ESCO2: variants seen among roughly 807,000 people sequenced by gnomAD.
ESCO2 encodes establishment of sister chromatid cohesion N-acetyltransferase 2, also known as N-acetyltransferase ESCO2.
In ESCO2, 51 loss-of-function variants were observed where a neutral mutation model predicts 61.7. That is an observed-to-expected ratio of 0.83 (90% CI 0.66 to 1.04). The LOEUF (loss-of-function observed/expected upper bound fraction) is 1.04, where lower values mean the gene tolerates loss of function less well. ESCO2 is among the 50% of genes least tolerant of loss of function. The pLI, the probability that ESCO2 is intolerant of heterozygous loss-of-function variation, is 0.00. For synonymous variants in ESCO2, 230 were observed against 238.2 expected (o/e 0.97, Z 0.32); for missense variants, 692 against 686.2 (o/e 1.01, Z -0.09).
At chr8:27,816,648 T>G (rs1805821138), downstream of ESCO2, among the ~76,000 whole-genome samples, 1 of 152,016 alleles carries the variant, frequency 6.6e-6, no homozygotes, top group Non-Finnish European at 1.5e-5. Context: ...AGTGCTGGGA[T>G]TACAGGTGTC....
At position 27,799,571 on chromosome 8, in the gene ESCO2, C is replaced by T. The variant is rs1312464109; in HGVS notation, c.1528C>T (p.Pro510Ser). Residue 510 changes from proline to serine, a missense_variant, in exon 10 of 11, where the codon CCA becomes TCA. Transcript: ENST00000305188. ...AFRVLSEPIG[P>S]ESPSSTECPR... ...TCGTGTCCTGTCTGAACCAATTGGT[C>T]CAGAATCCCCAAGCTCTACGGAATG... 1 of 1,613,710 alleles carries T rather than the reference C, an allele frequency of 6.2e-7. No individual in the cohort carries two copies. The highest frequency in any genetic ancestry group is 1.1e-5 in the South Asian group (1 of 91,060).
At position 27,799,602 on chromosome 8, in the gene ESCO2, G is replaced by T; in HGVS notation, c.1559G>T (p.Arg520Met). 6.2e-7 allele frequency: 1 copy of T among 1,613,916 alleles called. No individual in the cohort carries two copies. The highest frequency in any genetic ancestry group is 8.5e-7 in the Non-Finnish European group (1 of 1,179,986). ...PESPSSTECP[R>M]AWQCSDVPEP... ...TCCCCAAGCTCTACGGAATGTCCTA[G>T]GGCTTGGCAATGTTCAGATGTACCA... The change falls in exon 10 of 11, where the codon AGG (arginine) becomes ATG (methionine). Residue 520 changes from arginine to methionine, a missense_variant. Physicochemically the swap from Arg to Met is moderately conservative, Grantham distance 91. Transcript: ENST00000305188.
downstream of ESCO2, among the ~76,000 whole-genome samples, chr8:27,808,684 C>CCAAAAAA (rs757570826): frequency 9.4e-6 from 1 of 106,590 alleles, no homozygotes; most frequent in African/African-American, 3.7e-5. Context: ...GACCCTGTCT[C>CCAAAAAA]AAAAAAAAAA....
chr8:27,772,395 G>A (rs1804659725), upstream of ESCO2: 7 of 977,582 alleles, frequency 7.2e-6, no homozygotes, highest in Non-Finnish European at 1.1e-5. Context: ...GCCGCGGGAA[G>A]AGGCACTCGC....
intron 2 of ESCO2, among the ~76,000 whole-genome samples, chr8:27,775,851 A>G (rs916809126): frequency 1.3e-5 from 2 of 152,230 alleles, no homozygotes; most frequent in African/African-American, 4.8e-5. Context: ...TAGCTAGGAA[A>G]TATACCAAAT....
At chr8:27,808,174 A>C, downstream of ESCO2, 1 of 1,127,058 alleles carries the variant, frequency 8.9e-7, no homozygotes, top group Non-Finnish European at 1.1e-6. Context: ...ATCCTTTCTA[A>C]TTTTTATTCT....
At chr8:27,800,689 G>A (rs1204700956) in intron 10 of ESCO2, among the ~76,000 whole-genome samples, 3 of 152,232 alleles carry the variant, frequency 2.0e-5, no homozygotes, top group African/African-American at 4.8e-5. Context: ...CCAAAAAAGT[G>A]TAAATAATCC....
rs1805511986 is a variant in ESCO2 at position 27,804,043 on chromosome 8, C to G, written c.*605C>G. 1.0e-6 allele frequency: 1 copy of G among 985,924 alleles called. No individual in the cohort carries two copies. Among genetic ancestry groups the G allele is most frequent in the African/African-American group, 1.7e-5 (1 of 57,286 alleles). 61.1% of individuals were successfully genotyped at this position (985,924 alleles called of 1,614,324 possible). A position where few individuals can be genotyped will look rare whatever the true frequency, so the allele number is the denominator to read the frequency against. The stretch of plus-strand genomic sequence containing the variant: ...GTGCCCAGCCTAATTCCTGACTTCT[C>G]TATACAGAGTCTTCACTTGATAGGC... On this transcript the variant is annotated 3_prime_UTR_variant, in exon 11 of 11. Coordinates refer to ENST00000305188, the MANE Select transcript of ESCO2 (RefSeq NM_001017420.3).
At chr8:27,801,730 A>C (rs1037640724) in intron 10 of ESCO2, among the ~76,000 whole-genome samples, 1 of 152,142 alleles carries the variant, frequency 6.6e-6, no homozygotes, top group African/African-American at 2.4e-5. Context: ...TATTAAGTTC[A>C]ACATTTACCT....
intron 5 of ESCO2, among the ~76,000 whole-genome samples, chr8:27,784,499 C>A (rs575909721): frequency 6.6e-6 from 1 of 152,224 alleles, no homozygotes; most frequent in African/African-American, 2.4e-5. Flanking sequence ...GTTATATTGC[C>A]TTCCCTGGGT....
intron 10 of ESCO2, 22 bp from the exon 11 acceptor site, chr8:27,803,284 A>G (rs1395391022): frequency 2.5e-6 from 4 of 1,610,460 alleles, no homozygotes; most frequent in Admixed American, 1.7e-5. Context: ...CCATCATTAA[A>G]TCATCTTTTC....
chr8:27,815,092 TACTGAAAGAAATTTCTCCAGA>T (rs1805784758), downstream of ESCO2, among the ~76,000 whole-genome samples: 1 of 152,216 alleles, frequency 6.6e-6, no homozygotes, highest in South Asian at 2.1e-4. Flanking sequence ...TGGGGCTGTT[TACTGAAAGAAATTTCTCCAGA>T]ACTGAAGGAA....
chr8:27,803,795 T>C lies in ESCO2; in HGVS notation c.*357T>C, dbSNP rs1212256148. 1 of 1,035,124 alleles carries C rather than the reference T, an allele frequency of 9.7e-7. No individual in the cohort carries two copies. The highest frequency in any genetic ancestry group is 1.2e-6 in the Non-Finnish European group (1 of 862,124). The allele number at this position is 1,035,124 out of a possible 1,614,324, so 64.1% of individuals were successfully genotyped here. On this transcript the variant is annotated 3_prime_UTR_variant, in exon 11 of 11. Transcript: ENST00000305188. The stretch of plus-strand genomic sequence containing the variant: ...TCTAGAAATGTGACCTGGTCTTTTA[T>C]AAAGCCCACTCTTAGACCAGGATTA...
chr8:27,810,606 C>G, downstream of ESCO2: 1 of 649,120 alleles, frequency 1.5e-6, no homozygotes, highest in Non-Finnish European at 2.7e-6. Context: ...GTCCAGTATG[C>G]TTTCCATTCT....
In ESCO2 at chr8:27,787,974, G is replaced by T; in HGVS notation, c.1103G>T (p.Ser368Ile). ...IQKNTNTRDT[S>I]KKTKDQLIID... is the part of the protein sequence containing the mutation. ...AAAAATACTAATACCAGAGATACAA[G>T]TAAAAAAACAAAAGACCAGCTCATC... is the stretch of plus-strand genomic sequence containing the variant. The change falls in exon 6 of 11, where the codon AGT becomes ATT. Residue 368 changes from serine (S) to isoleucine (I), a missense_variant. By Grantham distance (142) the Ser-to-Ile change is moderately radical (BLOSUM62 -2). Transcript: ENST00000305188. 6.2e-7 allele frequency: 1 copy of T among 1,613,060 alleles called. No individual in the cohort carries two copies. The highest frequency in any genetic ancestry group is 1.1e-5 in the South Asian group (1 of 91,068).
intron 9 of ESCO2, among the ~76,000 whole-genome samples, chr8:27,799,188 ATCT>A (rs1475163401): frequency 3.9e-5 from 6 of 152,180 alleles, no homozygotes; most frequent in African/African-American, 7.2e-5. Flanking sequence ...ATAGATATAA[ATCT>A]TCTTTAGTGT....
rs1359593551 is a variant in ESCO2, at chr8:27,774,555, C to T, written c.-69C>T. 2.0e-5 allele frequency: 3 copies of T among 152,280 alleles called. No homozygotes were observed. Among genetic ancestry groups the T allele is most frequent in the African/African-American group, 4.8e-5 (2 of 41,458 alleles). The allele number at this position is 152,280 out of a possible 1,614,324, so 9.4% of individuals were successfully genotyped here. ...CCTGGCGCGCGATTATTTGAAGACG[C>T]TCACGGAGCGGCTGGCTAGGCTGAG... On this transcript the variant is annotated 5_prime_UTR_variant, in exon 1 of 11. Transcript: ENST00000305188.
intron 10 of ESCO2, among the ~76,000 whole-genome samples, chr8:27,801,466 CAGT>C (rs1049801124): frequency 1.3e-5 from 2 of 152,096 alleles, no homozygotes; most frequent in African/African-American, 4.8e-5. Context: ...CAAAGGGTAT[CAGT>C]AGGAAAAATT....
chr8:27,810,850 G>T, downstream of ESCO2: 1 of 744,012 alleles, frequency 1.3e-6, no homozygotes, highest in Non-Finnish European at 2.2e-6. Flanking sequence ...AACCTTGGTG[G>T]TACCAAATCA....
Sources: allele counts gnomAD v4.1 joint callset (sites outside exome capture counted in the v4.1 genomes callset), GRCh38; gene constraint gnomAD v4.1.1; transcripts MANE v1.5; gene names NCBI Gene and HGNC (gene_info 2026-07-23, HGNC 2026-07-21).